Variants in ADGRB3 observed in about 807,000 individuals in gnomAD.
ADGRB3 encodes the protein adhesion G protein-coupled receptor B3.
ADGRB3 carries 37 observed loss-of-function variants against 193.4 expected under a neutral mutation model. The observed-to-expected ratio is 0.19, with a 90% confidence interval of 0.15 to 0.25. ADGRB3 has a LOEUF of 0.25. ADGRB3 is among the 10% of genes least tolerant of loss of function. ADGRB3 has a pLI of 1.00. For missense variants in ADGRB3, 1,637 were observed against 1,852.9 expected (o/e 0.88, Z 2.14); for synonymous variants, 690 against 644.2 (o/e 1.07, Z -1.08).
intron 17 of ADGRB3, among the ~76,000 whole-genome samples, chr6:69,147,181 T>C (rs574388356): frequency 6.6e-6 from 1 of 152,298 alleles, no homozygotes; most frequent in South Asian, 2.1e-4. Context: ...TTTCTTCTAC[T>C]AATTTTGGAT....
At chr6:68,998,682 C>T (rs1446596903) in intron 11 of ADGRB3, among the ~76,000 whole-genome samples, 1 of 151,960 alleles carries the variant, frequency 6.6e-6, no homozygotes, top group Non-Finnish European at 1.5e-5. Context: ...TTTTTGATGC[C>T]AAAACTGAAA....
intron 20 of ADGRB3, among the ~76,000 whole-genome samples, chr6:69,290,994 T>G (rs1236964754): frequency 6.6e-6 from 1 of 152,202 alleles, no homozygotes; most frequent in Non-Finnish European, 1.5e-5. Context: ...TTTAGTCATA[T>G]CTGATTATAT....
At chr6:68,979,457 A>G (rs1323557856) in intron 10 of ADGRB3, among the ~76,000 whole-genome samples, 1 of 151,546 alleles carries the variant, frequency 6.6e-6, no homozygotes, top group Non-Finnish European at 1.5e-5. Flanking sequence ...TGGAAGCCTT[A>G]TAAGATGCAA....
intron 3 of ADGRB3, among the ~76,000 whole-genome samples, chr6:68,655,926 A>G (rs1768480360): frequency 6.6e-6 from 1 of 151,640 alleles, no homozygotes; most frequent in East Asian, 1.9e-4. Flanking sequence ...AATCATATTG[A>G]AGTTTAAATA....
chr6:69,278,660 T>C (rs1767354073), intron 20 of ADGRB3, among the ~76,000 whole-genome samples: 1 of 152,182 alleles, frequency 6.6e-6, no homozygotes, highest in Admixed American at 6.6e-5. Context: ...GAACATTTAT[T>C]CATTGTTTGC....
At chr6:68,818,278 C>A (rs11963528) in intron 3 of ADGRB3, among the ~76,000 whole-genome samples, 48,657 of 151,854 alleles carry the variant, frequency 0.32, 8,152 homozygotes, top group Middle Eastern at 0.51. Context: ...TATTTGCTTG[C>A]ACTTTTAACG....
At chr6:69,299,696 A>G (rs1767909126) in intron 20 of ADGRB3, among the ~76,000 whole-genome samples, 1 of 151,876 alleles carries the variant, frequency 6.6e-6, no homozygotes, top group Admixed American at 6.6e-5. Flanking sequence ...TACTCTAAAT[A>G]TATGGATTTA....
At chr6:68,864,000 C>G (rs1014202725) in intron 3 of ADGRB3, among the ~76,000 whole-genome samples, 1 of 152,010 alleles carries the variant, frequency 6.6e-6, no homozygotes, top group African/African-American at 2.4e-5. Context: ...TTCAGGGTAC[C>G]AAAGATCATT....
At position 69,382,909 on chromosome 6, in the gene ADGRB3, C is replaced by T. The variant is rs1197657726; in HGVS notation, c.4354C>T (p.Arg1452Trp). The part of the protein sequence containing the change: ...NQKFQTLDRF[R>W]DIPNTSSMEN... ...GAAATTTCAAACTTTGGACAGATTT[C>T]GGGATATACCAAATACAAGCAGTAT... is the stretch of plus-strand genomic sequence containing the variant. Residue 1452 changes from arginine (R) to tryptophan (W), a missense_variant, in exon 31 of 32, where the codon CGG becomes TGG. Physicochemically the swap from Arg to Trp is moderately radical, Grantham distance 101 (BLOSUM62 -3). Around this residue, in one of 7 missense-constraint regions of ADGRB3, gnomAD observed 368 missense variants for 367.4 expected, o/e 1.00. Coordinates refer to ENST00000370598, the MANE Select transcript of ADGRB3 (RefSeq NM_001704.3). The T allele has an allele frequency of 5.6e-6, 9 of 1,606,752 alleles. No individual in the cohort carries two copies. Among genetic ancestry groups the T allele is most frequent in the Non-Finnish European group, 6.8e-6 (8 of 1,175,504 alleles).
intron 20 of ADGRB3, among the ~76,000 whole-genome samples, chr6:69,264,157 T>C (rs1037245034): frequency 4.6e-5 from 7 of 151,942 alleles, no homozygotes; most frequent in Non-Finnish European, 1.0e-4. Flanking sequence ...CAATTAAAAT[T>C]TCTTGAAAAA....
intron 6 of ADGRB3, among the ~76,000 whole-genome samples, chr6:68,948,346 C>T (rs966984921): frequency 1.3e-5 from 2 of 152,070 alleles, no homozygotes; most frequent in African/African-American, 4.8e-5. Flanking sequence ...TATGGTGATT[C>T]CCCCTCTACG....
At chr6:68,703,248 G>A (rs1402399160) in intron 3 of ADGRB3, among the ~76,000 whole-genome samples, 1 of 152,068 alleles carries the variant, frequency 6.6e-6, no homozygotes, top group Non-Finnish European at 1.5e-5. Context: ...TTATCACTCA[G>A]AATTAATAAT....
intron 26 of ADGRB3, among the ~76,000 whole-genome samples, chr6:69,340,172 G>A (rs1006854022): frequency 6.6e-5 from 10 of 152,176 alleles, no homozygotes; most frequent in Non-Finnish European, 1.0e-4. Flanking sequence ...GAGGTTTATT[G>A]TCAGTAGTAG....
intron 2 of ADGRB3, among the ~76,000 whole-genome samples, chr6:68,637,916 C>T (rs570917846): frequency 5.3e-5 from 8 of 152,066 alleles, no homozygotes; most frequent in Admixed American, 2.6e-4. Flanking sequence ...AATCCTGGTT[C>T]TCAATGGTGA....
intron 17 of ADGRB3, among the ~76,000 whole-genome samples, chr6:69,126,228 TACACACATA>T (rs1223876175): frequency 1.9e-4 from 26 of 137,272 alleles, no homozygotes; most frequent in East Asian, 5.6e-4. Context: ...GATAAATAGA[TACACACATA>T]CATACATACA....
intron 20 of ADGRB3, among the ~76,000 whole-genome samples, chr6:69,295,129 TA>T (rs1016951734): frequency 2.0e-5 from 3 of 152,188 alleles, no homozygotes; most frequent in Non-Finnish European, 4.4e-5. Flanking sequence ...CTGATGTTAC[TA>T]AAAACCACAG....
At chr6:69,084,899 G>T (rs529515422) in intron 17 of ADGRB3, among the ~76,000 whole-genome samples, 1 of 152,136 alleles carries the variant, frequency 6.6e-6, no homozygotes, top group African/African-American at 2.4e-5. Flanking sequence ...AAGGTTTGGG[G>T]TATGCATGAG....
At chr6:69,316,483 A>G (rs541402930) in intron 20 of ADGRB3, among the ~76,000 whole-genome samples, 7 of 151,608 alleles carry the variant, frequency 4.6e-5, no homozygotes, top group African/African-American at 1.7e-4. Context: ...AGAAAACACA[A>G]ATTTTCAAAA....
intron 13 of ADGRB3, among the ~76,000 whole-genome samples, chr6:69,024,963 G>A (rs1350486899): frequency 2.0e-5 from 3 of 151,850 alleles, no homozygotes; most frequent in Admixed American, 6.6e-5. Flanking sequence ...GTGGTGGCGG[G>A]CACCTGTAGT....
Sources: gnomAD v4.1 joint callset for allele counts (sites outside exome capture counted in the v4.1 genomes callset) on GRCh38, gnomAD v4.1.1 for gene constraint, gnomAD v4.1.1 regional missense constraint, MANE v1.5 for transcripts, NCBI Gene and HGNC (gene_info 2026-07-23, HGNC 2026-07-21) for gene names.